The following PLIN2 variants were observed in gnomAD, a reference collection of about 807,000 sequenced individuals.
PLIN2 encodes the protein perilipin-2.
Under a neutral mutation model 30.6 loss-of-function variants are expected in PLIN2, and 33 were observed. The observed-to-expected ratio is 1.08, with a 90% CI of 0.82 to 1.44. The LOEUF is 1.44. Among genes scored for constraint, PLIN2 ranks in the 40% most tolerant of loss-of-function variants. The pLI is 0.00. For synonymous variants in PLIN2, 205 were observed against 201.1 expected (o/e 1.02, Z -0.16); for missense variants, 610 against 531.8 (o/e 1.15, Z -1.45).
chr9:19,111,499 T>A (rs1818158964), downstream of PLIN2, among the ~76,000 whole-genome samples: 1 of 152,180 alleles, frequency 6.6e-6, no homozygotes, highest in Non-Finnish European at 1.5e-5. Context: ...GACTCTCAGC[T>A]TAGGATGGTT....
chr9:19,111,883 T>C (rs188302778), downstream of PLIN2, among the ~76,000 whole-genome samples: 61 of 152,246 alleles, frequency 4.0e-4, no homozygotes, highest in African/African-American at 1.5e-3. Context: ...TATAGGTGCA[T>C]ACCACTAGGC....
chr9:19,116,590 CG>C lies in PLIN2; in HGVS notation c.971del (p.Thr324SerfsTer25), dbSNP rs1564029305. 6.2e-7 allele frequency: 1 copy of C among 1,613,996 alleles called. No individual in the cohort carries two copies. On this transcript the variant is annotated frameshift_variant, in exon 8 of 8. Transcript: ENST00000276914. LOFTEE classifies it low-confidence loss of function (END_TRUNC). The part of the protein sequence containing the change: ...ARNLTQQLQT[T>X]CHTLLSNIQG... ...GGATGTTGGACAGGAGGGTGTGGCACGTGGTCTGGAGCTGCTGAGTCAGGTT... is the reference window on the plus strand; with the variant it reads ...GGATGTTGGACAGGAGGGTGTGGCACTGGTCTGGAGCTGCTGAGTCAGGTT...
chr9:19,126,919 G>A (rs1165849154), intron 1 of PLIN2, among the ~76,000 whole-genome samples: 1 of 152,066 alleles, frequency 6.6e-6, no homozygotes, highest in Non-Finnish European at 1.5e-5. Flanking sequence ...GCGGGCGCCT[G>A]TTATCCCAGC....
downstream of PLIN2, among the ~76,000 whole-genome samples, chr9:19,113,993 C>T (rs981761100): frequency 6.6e-6 from 1 of 152,084 alleles, no homozygotes; most frequent in African/African-American, 2.4e-5. Context: ...AGGCTGGCCA[C>T]TGTTGGCCTC....
downstream of PLIN2, among the ~76,000 whole-genome samples, chr9:19,112,121 A>G (rs769797971): frequency 6.6e-6 from 1 of 152,222 alleles, no homozygotes; most frequent in Non-Finnish European, 1.5e-5. Flanking sequence ...TTAATAGATG[A>G]GAAAACTAAG....
exon 3 of PLIN2, chr9:19,108,674 T>C (rs769057584): frequency 6.6e-6 from 1 of 152,668 alleles, no homozygotes; most frequent in Non-Finnish European, 1.5e-5. Flanking sequence ...TGATCCGTTC[T>C]CCTCTTCCAA....
intron 5 of PLIN2, 50 bp downstream of exon 5, chr9:19,120,830 T>C (rs748830783): frequency 6.9e-7 from 1 of 1,442,322 alleles, no homozygotes; most frequent in South Asian, 1.2e-5. Context: ...ATGAAGCTGT[T>C]TAAGAAAGAT....
intron 7 of PLIN2, among the ~76,000 whole-genome samples, chr9:19,117,169 C>T (rs1588642747): frequency 6.6e-6 from 1 of 151,442 alleles, no homozygotes; most frequent in Admixed American, 6.6e-5. Flanking sequence ...TCTTTTCTTT[C>T]TTTCTTTCTG....
At chr9:19,119,295 A>G (rs922984199) in intron 6 of PLIN2, among the ~76,000 whole-genome samples, 1 of 152,196 alleles carries the variant, frequency 6.6e-6, no homozygotes, top group African/African-American at 2.4e-5. Flanking sequence ...AACAGCTCCA[A>G]GTGTAGGTAT....
At chr9:19,119,546 T>C (rs1818279821) in intron 6 of PLIN2, 104 bp downstream of exon 6, 1 of 694,996 alleles carries the variant, frequency 1.4e-6, no homozygotes, top group African/African-American at 1.8e-5. Context: ...TTGGGTTGTT[T>C]GTCAACTAAG....
downstream of PLIN2, among the ~76,000 whole-genome samples, chr9:19,113,116 G>A (rs1818178728): frequency 6.6e-6 from 1 of 152,090 alleles, no homozygotes; most frequent in Admixed American, 6.5e-5. Flanking sequence ...GCCGAAGCGG[G>A]CAGATCACTT....
In PLIN2 at chr9:19,115,892, C is replaced by A; in HGVS notation, c.*356G>T. Reference sequence around the variant, plus strand: ...GCAGTGAAGACGCCTTTTCAGATCACACCAGAGCAGACACCAGTTTCTACC... The same window carrying A: ...GCAGTGAAGACGCCTTTTCAGATCAAACCAGAGCAGACACCAGTTTCTACC... On this transcript the variant is annotated 3_prime_UTR_variant, in exon 8 of 8. Transcript: ENST00000276914. The A allele has an allele frequency of 5.4e-6, 1 of 184,782 alleles. No homozygotes were observed. Among genetic ancestry groups the A allele is most frequent in the Non-Finnish European group, 1.1e-5 (1 of 88,622 alleles). 11.4% of individuals were successfully genotyped at this position (184,782 alleles called of 1,614,324 possible).
chr9:19,125,937 A>AT, intron 3 of PLIN2, 177 bp downstream of exon 3: 1 of 543,252 alleles, frequency 1.8e-6, no homozygotes. Context: ...AAAAAAAAAA[A>AT]GGAAAGAAAA....
In PLIN2 at chr9:19,116,513, GCCATCACCC is replaced by G; in HGVS notation, c.1040_1048del (p.Gly347_Met349del). 1 of 1,614,180 alleles carries G rather than the reference GCCATCACCC, an allele frequency of 6.2e-7. No individual in the cohort carries two copies. Among genetic ancestry groups the G allele is most frequent in the Non-Finnish European group, 8.5e-7 (1 of 1,180,032 alleles). On this transcript the variant is annotated inframe_deletion, in exon 8 of 8. Transcript: ENST00000276914. ...GCGGAACACTGAGTAGATGTCGCCT[GCCATCACCC>G]CCATGTGCTTGGCTTGATCTTGGAT...
chr9:19,111,897 G>A (rs573329726), downstream of PLIN2, among the ~76,000 whole-genome samples: 1 of 152,190 alleles, frequency 6.6e-6, no homozygotes, highest in South Asian at 2.1e-4. Flanking sequence ...ACTAGGCCCA[G>A]TTTCATTAGT....
rs1241492912 is a variant in PLIN2 at position 19,126,245 on chromosome 9, G to A, written c.95C>T (p.Ala32Val). The A allele has an allele frequency of 1.2e-6, 2 of 1,614,044 alleles. No homozygotes were observed. The highest frequency in any genetic ancestry group is 2.2e-5 in the East Asian group (1 of 44,880). ...ATACTGGTCCTTTGTACTGAGATAG[G>A]CTGAGGACATGAGGTCATACGTGGA... ...VSSTYDLMSS[A>V]YLSTKDQYPY... Residue 32 changes from alanine (A) to valine (V), a missense_variant, in exon 3 of 8, where the codon GCC becomes GTC. Physicochemically the swap from Ala to Val is moderately conservative, Grantham distance 64 (BLOSUM62 0). Coordinates refer to ENST00000276914, the MANE Select transcript of PLIN2 (RefSeq NM_001122.4).
At chr9:19,114,660 T>G (rs1206847260), downstream of PLIN2, among the ~76,000 whole-genome samples, 4 of 152,126 alleles carry the variant, frequency 2.6e-5, no homozygotes, top group African/African-American at 9.7e-5. Context: ...TGCCTCGGCC[T>G]CCCAAAGTGC....
downstream of PLIN2, among the ~76,000 whole-genome samples, chr9:19,114,222 AACTT>A (rs1431919091): frequency 6.6e-6 from 1 of 151,130 alleles, no homozygotes; most frequent in Non-Finnish European, 1.5e-5. Context: ...GTCGATAAAA[AACTT>A]TAATAAACTC....
chr9:19,126,488 C>G (rs1818401974), intron 1 of PLIN2, 40 bp from the exon 2 acceptor site: 3 of 1,318,320 alleles, frequency 2.3e-6, no homozygotes, highest in Admixed American at 1.8e-5. Context: ...CGGGATAAGA[C>G]TCTCCCAAAT....
Sources: gnomAD v4.1 joint callset for allele counts (sites outside exome capture counted in the v4.1 genomes callset) on GRCh38, gnomAD v4.1.1 for gene constraint, MANE v1.5 for transcripts, NCBI Gene and HGNC (gene_info 2026-07-23, HGNC 2026-07-21) for gene names.